Variants in OSBPL10 observed in about 807,000 individuals in gnomAD.
The protein encoded by OSBPL10 is oxysterol-binding protein-related protein 10.
In OSBPL10, 49 loss-of-function variants were observed where a neutral mutation model predicts 81.7. The observed-to-expected ratio is 0.60, with a 90% CI of 0.48 to 0.76. The LOEUF is 0.76. OSBPL10 is among the 30% of genes least tolerant of loss of function. OSBPL10 has a pLI of 0.00. For synonymous variants in OSBPL10, 419 were observed against 383.6 expected (o/e 1.09, Z -1.08); for missense variants, 923 against 987.8 (o/e 0.93, Z 0.88).
chr3:32,005,639 G>A (rs941677680), intron 2 of OSBPL10, among the ~76,000 whole-genome samples: 5 of 152,200 alleles, frequency 3.3e-5, no homozygotes, highest in Admixed American at 3.3e-4. Context: ...CCAGGCTGGA[G>A]TGCAGTGTCG....
rs541060645 is a variant in OSBPL10, at chr3:31,930,037, G to A, written c.282-50207C>T. 4.2e-5 allele frequency among the ~76,000 whole-genome samples: 6 copies of A among 142,888 alleles called. No homozygotes were observed. In the East Asian group the frequency reaches 1.0e-3, roughly 24 times the overall value. The allele number at this position is 142,888 out of a possible 152,430, so 93.7% of individuals were successfully genotyped here. A position where few individuals can be genotyped will look rare whatever the true frequency, so the allele number is the denominator to read the frequency against. Reference sequence around the variant, plus strand: ...AAAAAAAAAAAAAAACAGGTGTGGTGGCCTACGCCTGTAATACCAGAACTT... The same window carrying A: ...AAAAAAAAAAAAAAACAGGTGTGGTAGCCTACGCCTGTAATACCAGAACTT... On this transcript the variant is annotated intron_variant, in intron 1 of 11. Coordinates refer to ENST00000396556, the MANE Select transcript of OSBPL10 (RefSeq NM_017784.5).
At chr3:31,896,941 A>G (rs574480514) in intron 1 of OSBPL10, among the ~76,000 whole-genome samples, 5 of 152,102 alleles carry the variant, frequency 3.3e-5, no homozygotes, top group Non-Finnish European at 7.3e-5. Flanking sequence ...TCTAGGGAGG[A>G]CAGGTAGTGC....
chr3:31,746,547 G>A (rs543418322), intron 5 of OSBPL10, among the ~76,000 whole-genome samples: 4 of 151,970 alleles, frequency 2.6e-5, no homozygotes, highest in Non-Finnish European at 2.9e-5. Context: ...GTGTGGTGGT[G>A]CATGCCTGTA....
At chr3:31,705,394 C>T (rs1307043855) in intron 6 of OSBPL10, among the ~76,000 whole-genome samples, 6 of 139,052 alleles carry the variant, frequency 4.3e-5, no homozygotes, top group African/African-American at 8.0e-5. Flanking sequence ...ACCCCCATCG[C>T]GGTCCAACTT....
upstream of OSBPL10, among the ~76,000 whole-genome samples, chr3:31,982,303 T>TCA (rs1698866793): frequency 6.6e-6 from 1 of 152,220 alleles, no homozygotes; most frequent in Non-Finnish European, 1.5e-5. Context: ...TCCATTGTAA[T>TCA]CTGAAGTATC....
At chr3:31,803,932 G>A (rs185075627) in intron 4 of OSBPL10, among the ~76,000 whole-genome samples, 22 of 152,188 alleles carry the variant, frequency 1.4e-4, no homozygotes, top group Non-Finnish European at 2.4e-4. Flanking sequence ...ACTTGGTTGC[G>A]GTGGTGTCCA....
intron 1 of OSBPL10, among the ~76,000 whole-genome samples, chr3:31,946,928 C>G (rs1176958919): frequency 2.0e-5 from 3 of 152,078 alleles, no homozygotes; most frequent in African/African-American, 7.2e-5. Context: ...CAAGGAGCAT[C>G]GAAACAAAGA....
At chr3:32,030,463 A>G in intron 2 of OSBPL10, 1 of 692,424 alleles carries the variant, frequency 1.4e-6, no homozygotes, top group Non-Finnish European at 2.7e-6. Flanking sequence ...CAAGAGAATT[A>G]ATGTGCGTAT....
intron 7 of OSBPL10, among the ~76,000 whole-genome samples, chr3:31,686,068 C>A (rs1443966900): frequency 6.6e-6 from 1 of 152,136 alleles, no homozygotes; most frequent in Non-Finnish European, 1.5e-5. Flanking sequence ...ACTTTGGCTT[C>A]CTAGACCCTT....
At chr3:31,994,003 A>G (rs1379705863) in intron 2 of OSBPL10, among the ~76,000 whole-genome samples, 1 of 152,246 alleles carries the variant, frequency 6.6e-6, no homozygotes, top group Non-Finnish European at 1.5e-5. Flanking sequence ...TTAAAAATGT[A>G]AACCAACTAT....
chr3:31,827,385 C>T (rs996807008), intron 4 of OSBPL10, among the ~76,000 whole-genome samples: 1 of 152,038 alleles, frequency 6.6e-6, no homozygotes, highest in East Asian at 1.9e-4. Flanking sequence ...GCCTGTAATC[C>T]CAGCACTTTG....
chr3:31,965,464 A>G (rs1305246160), intron 1 of OSBPL10, among the ~76,000 whole-genome samples: 14 of 98,744 alleles, frequency 1.4e-4, no homozygotes, highest in Admixed American at 6.7e-4. Flanking sequence ...TATAATTTAT[A>G]TAATATATAT....
chr3:31,913,188 A>G (rs1231119199), intron 1 of OSBPL10, among the ~76,000 whole-genome samples: 1 of 152,044 alleles, frequency 6.6e-6, no homozygotes, highest in Non-Finnish European at 1.5e-5. Context: ...AGGCTTTTGT[A>G]AAGGGAGTCA....
intron 2 of OSBPL10, among the ~76,000 whole-genome samples, chr3:32,040,927 A>C (rs547577286): frequency 2.6e-5 from 4 of 152,356 alleles, no homozygotes; most frequent in African/African-American, 9.6e-5. Flanking sequence ...CCAGAGAGGT[A>C]CAGGAGATTA....
At chr3:32,022,515 GT>G (rs1699370439) in intron 2 of OSBPL10, among the ~76,000 whole-genome samples, 2 of 152,320 alleles carry the variant, frequency 1.3e-5, no homozygotes, top group African/African-American at 4.8e-5. Flanking sequence ...GCCTGGCATG[GT>G]GGCTCACGCC....
intron 3 of OSBPL10, among the ~76,000 whole-genome samples, chr3:31,849,359 A>T (rs6780930): frequency 0.79 from 119,758 of 152,160 alleles, 47,352 homozygotes; most frequent in South Asian, 0.89. Flanking sequence ...CATTTAAAGT[A>T]GAATAGGATC....
At chr3:31,740,229 G>A (rs1559442663) in intron 5 of OSBPL10, among the ~76,000 whole-genome samples, 1 of 151,970 alleles carries the variant, frequency 6.6e-6, no homozygotes, top group Non-Finnish European at 1.5e-5. Flanking sequence ...TCTTTTTGGA[G>A]AGATGGGTTT....
intron 6 of OSBPL10, among the ~76,000 whole-genome samples, chr3:31,705,657 T>G (rs997529742): frequency 2.6e-5 from 4 of 152,198 alleles, no homozygotes; most frequent in African/African-American, 4.8e-5. Flanking sequence ...ATAATTATCA[T>G]CCTTTCTAAG....
chr3:31,968,296 T>A (rs1472428507), intron 1 of OSBPL10, among the ~76,000 whole-genome samples: 1 of 152,064 alleles, frequency 6.6e-6, no homozygotes, highest in South Asian at 2.1e-4. Context: ...ATGCAGTTGT[T>A]ACACAAAAGA....
Sources: gnomAD v4.1 joint callset for allele counts (sites outside exome capture counted in the v4.1 genomes callset) on GRCh38, gnomAD v4.1.1 for gene constraint, MANE v1.5 for transcripts, NCBI Gene and HGNC (gene_info 2026-07-23, HGNC 2026-07-21) for gene names.